Variants in ICA1 observed in about 807,000 individuals in gnomAD.
ICA1 encodes the protein islet cell autoantigen 1.
ICA1 carries 40 observed loss-of-function variants against 71.0 expected under a neutral mutation model. The observed-to-expected ratio is 0.56, with a 90% CI of 0.44 to 0.73. The LOEUF (loss-of-function observed/expected upper bound fraction) is 0.73. Among genes scored for constraint, ICA1 ranks in the 30% least tolerant of loss-of-function variants. The pLI, the probability that ICA1 is intolerant of heterozygous loss-of-function variation, is 0.00. For synonymous variants in ICA1, 207 were observed against 209.5 expected (o/e 0.99, Z 0.10); for missense variants, 578 against 576.5 (o/e 1.00, Z -0.03).
chr7:8,210,690 T>C (rs1793431688), intron 6 of ICA1, among the ~76,000 whole-genome samples: 1 of 151,782 alleles, frequency 6.6e-6, no homozygotes, highest in Admixed American at 6.6e-5. Flanking sequence ...TGTCTAACCA[T>C]TATAGCCAAA....
Position 8,144,910 on chromosome 7 carries a change from G to T in ICA1, c.805-938C>A, listed in dbSNP as rs1457456516. 1.3e-5 allele frequency among the ~76,000 whole-genome samples: 2 copies of T among 152,102 alleles called. No homozygotes were observed. The highest frequency in any genetic ancestry group is 6.5e-5 in the Admixed American group (1 of 15,272). On this transcript the variant is annotated intron_variant, in intron 8 of 13. Transcript: ENST00000402384. The surrounding 1 kb of genome is among the most constrained non-coding windows in gnomAD (Gnocchi z 4.5). ...TCTCCTGCCTATCGTTCACTTGTCT[G>T]ACACACATAGGAGGCAATCAGGTTT...
intron 11 of ICA1, 52 bp from the exon 12 acceptor site, chr7:8,138,933 G>C (rs929371407): frequency 1.3e-6 from 2 of 1,596,114 alleles, no homozygotes; most frequent in Non-Finnish European, 1.7e-6. Flanking sequence ...CATTTTGTGA[G>C]GAGTTTGAGT....
Position 8,144,017 on chromosome 7 carries a change from A to G in ICA1, c.805-45T>C. 1 of 1,089,014 alleles carries G rather than the reference A, an allele frequency of 9.2e-7. No individual in the cohort carries two copies. The highest frequency in any genetic ancestry group is 1.4e-6 in the Non-Finnish European group (1 of 732,392). The allele number at this position is 1,089,014 out of a possible 1,614,324, so 67.5% of individuals were successfully genotyped here. A position where few individuals can be genotyped will look rare whatever the true frequency, so the allele number is the denominator to read the frequency against. On this transcript the variant is annotated intron_variant, in intron 8 of 13. Transcript: ENST00000402384. The surrounding 1 kb of genome is among the most constrained non-coding windows in gnomAD (Gnocchi z 4.5). ...AAAATGAAAAAGAAAAAAAAAGAAGAAGAAATAGAGACAAAAAAAAGAAAA... is the reference window on the plus strand; with the variant it reads ...AAAATGAAAAAGAAAAAAAAAGAAGGAGAAATAGAGACAAAAAAAAGAAAA...
At chr7:8,176,405 C>T (rs1038330911) in intron 6 of ICA1, among the ~76,000 whole-genome samples, 1 of 152,232 alleles carries the variant, frequency 6.6e-6, no homozygotes, top group African/African-American at 2.4e-5. Context: ...GCAGAGTTAG[C>T]AGCTTCCTCC....
intron 6 of ICA1, among the ~76,000 whole-genome samples, chr7:8,216,737 G>GT (rs1218134474): frequency 6.6e-6 from 1 of 152,096 alleles, no homozygotes; most frequent in Non-Finnish European, 1.5e-5. Context: ...TCAATTTTAG[G>GT]TATTCTCTCT....
chr7:8,155,864 G>A (rs1295375753), intron 8 of ICA1, among the ~76,000 whole-genome samples: 2 of 152,208 alleles, frequency 1.3e-5, no homozygotes, highest in African/African-American at 2.4e-5. Context: ...CATTGCCAGT[G>A]TGAAGGGGAA....
At chr7:8,190,550 C>T (rs141766699) in intron 6 of ICA1, among the ~76,000 whole-genome samples, 1 of 152,296 alleles carries the variant, frequency 6.6e-6, no homozygotes, top group East Asian at 1.9e-4. Flanking sequence ...GTGCCCCCTG[C>T]AGGATTCTAA....
At chr7:8,179,470 T>G (rs541660368) in intron 6 of ICA1, among the ~76,000 whole-genome samples, 1 of 152,366 alleles carries the variant, frequency 6.6e-6, no homozygotes, top group Admixed American at 6.5e-5. Context: ...ATCGGATGAT[T>G]ACTAAAGTGT....
chr7:8,156,339 C>G (rs972458302), intron 8 of ICA1, among the ~76,000 whole-genome samples: 2 of 152,224 alleles, frequency 1.3e-5, no homozygotes, highest in African/African-American at 4.8e-5. Flanking sequence ...AAGGCAAGTT[C>G]AAGGTGAACT....
At chr7:8,143,781 C>T in intron 9 of ICA1, 94 bp downstream of exon 9, 1 of 759,002 alleles carries the variant, frequency 1.3e-6, no homozygotes, top group South Asian at 1.5e-5. Flanking sequence ...TAAGACAAGT[C>T]TGCGTCTGAG....
intron 13 of ICA1, among the ~76,000 whole-genome samples, chr7:8,125,727 G>A (rs1269865724): frequency 6.6e-6 from 1 of 152,186 alleles, no homozygotes; most frequent in Non-Finnish European, 1.5e-5. Context: ...GCACACAGTG[G>A]GACCCGGTAA....
At chr7:8,171,505 G>T (rs1808334750) in intron 6 of ICA1, among the ~76,000 whole-genome samples, 2 of 151,826 alleles carry the variant, frequency 1.3e-5, no homozygotes, top group Non-Finnish European at 3.0e-5. Flanking sequence ...AAGTATTAAT[G>T]ATTTATGTCT....
At chr7:8,142,349 C>T (rs1358217224) in intron 9 of ICA1, among the ~76,000 whole-genome samples, 4 of 152,230 alleles carry the variant, frequency 2.6e-5, no homozygotes, top group Non-Finnish European at 5.9e-5. Context: ...TTCCTCCTAG[C>T]ACCGTGATGC....
Position 8,207,083 on chromosome 7 carries a change from A to G in ICA1, c.579+11222T>C, listed in dbSNP as rs80217830. On this transcript the variant is annotated intron_variant, in intron 6 of 13. Coordinates refer to ENST00000402384, the MANE Select transcript of ICA1 (RefSeq NM_001136020.3). ...ATATAATTAATCTATCTTGAGAAAC[A>G]TCCCTCATTTCAATGTCAGCAGTCA... Among the ~76,000 whole-genome samples the G allele has an allele frequency of 2.0e-5, 3 of 152,338 alleles. No homozygotes were observed. In the East Asian group the frequency reaches 5.8e-4, roughly 29 times the overall value.
At chr7:8,163,576 CA>C (rs1327020771) in intron 6 of ICA1, among the ~76,000 whole-genome samples, 1 of 152,158 alleles carries the variant, frequency 6.6e-6, no homozygotes, top group Non-Finnish European at 1.5e-5. Flanking sequence ...GAAGGAAAGT[CA>C]CATAGTCCCT....
intron 6 of ICA1, among the ~76,000 whole-genome samples, chr7:8,205,562 T>C (rs1211376638): frequency 6.6e-6 from 1 of 152,232 alleles, no homozygotes; most frequent in Non-Finnish European, 1.5e-5. Context: ...GAGACCCTTA[T>C]GAGAGTATTA....
At chr7:8,153,801 A>G (rs1421519239) in intron 8 of ICA1, among the ~76,000 whole-genome samples, 2 of 149,574 alleles carry the variant, frequency 1.3e-5, no homozygotes, top group African/African-American at 4.9e-5. Context: ...TTTAGCATCA[A>G]TATAAAATAA....
chr7:8,117,992 T>G (rs1310554164), intron 13 of ICA1, among the ~76,000 whole-genome samples: 1 of 152,214 alleles, frequency 6.6e-6, no homozygotes, highest in Non-Finnish European at 1.5e-5. Context: ...TTATTCATCT[T>G]TATATCCTTT....
chr7:8,247,472 A>G (rs1221304418), intron 1 of ICA1, among the ~76,000 whole-genome samples: 1 of 151,408 alleles, frequency 6.6e-6, no homozygotes, highest in African/African-American at 2.4e-5. Context: ...AAAAGAAAAG[A>G]AAAAAGAAAA....
Sources: gnomAD v4.1 joint callset for allele counts (sites outside exome capture counted in the v4.1 genomes callset) on GRCh38, gnomAD v4.1.1 for gene constraint, Gnocchi (gnomAD v3.1) non-coding constraint, MANE v1.5 for transcripts, NCBI Gene and HGNC (gene_info 2026-07-23, HGNC 2026-07-21) for gene names.